The following TMEM161A variants were observed in gnomAD, a reference collection of about 807,000 sequenced individuals.
TMEM161A encodes adaptive response to oxidative stress protein 29.
In TMEM161A, 46 loss-of-function variants were observed where a neutral mutation model predicts 57.1. The observed-to-expected ratio is 0.81, with a 90% CI of 0.64 to 1.03. TMEM161A has a LOEUF of 1.03. TMEM161A is among the 50% of genes least tolerant of loss of function. The pLI is 0.00. For missense variants in TMEM161A, 601 were observed against 621.5 expected, an observed-to-expected ratio of 0.97 and a Z score of 0.35; for synonymous variants, 288 against 279.0, an observed-to-expected ratio of 1.03 and a Z score of -0.32.
chr19:19,132,832 G>A lies in TMEM161A; in HGVS notation c.189-78C>T. 1 of 1,214,154 alleles carries A rather than the reference G, an allele frequency of 8.2e-7. No individual in the cohort carries two copies. Among genetic ancestry groups the A allele is most frequent in the Non-Finnish European group, 1.1e-6 (1 of 875,114 alleles). 75.2% of individuals were successfully genotyped at this position (1,214,154 alleles called of 1,614,324 possible). ...CCAGCCACCCTCAGAGCTCAGAGCA[G>A]CTGGCCTGGAGACCATCTCTTTCCA... On this transcript the variant is annotated intron_variant, in intron 3 of 11. Coordinates refer to ENST00000162044, the MANE Select transcript of TMEM161A (RefSeq NM_017814.3). This position sits in a 1 kb window ranked among gnomAD's most constrained non-coding sequence, Gnocchi z 4.3.
At position 19,132,496 on chromosome 19, in the gene TMEM161A, A is replaced by C; in HGVS notation, c.299T>G (p.Phe100Cys). 1 of 1,613,904 alleles carries C rather than the reference A, an allele frequency of 6.2e-7. No homozygotes were observed. ...TTVDALVLRF[F>C]LEYQWFVDFA... is the part of the protein sequence containing the mutation. Reference sequence around the variant, plus strand: ...GTCCACAAACCACTGGTACTCCAGGAAGAAGCGCAGGACTGTGGGGGGCAC... The same window carrying C: ...GTCCACAAACCACTGGTACTCCAGGCAGAAGCGCAGGACTGTGGGGGGCAC... Residue 100 changes from phenylalanine to cysteine, a missense_variant, in exon 5 of 12, where the codon TTC (phenylalanine) becomes TGC (cysteine). Phe to Cys is a radical substitution (Grantham distance 205). Coordinates refer to ENST00000162044, the MANE Select transcript of TMEM161A (RefSeq NM_017814.3). The surrounding 1 kb of genome is among the most constrained non-coding windows in gnomAD (Gnocchi z 4.3).
Position 19,133,225 on chromosome 19 carries a change from G to A in TMEM161A, c.108-15C>T, listed in dbSNP as rs1470219881. 8.7e-6 allele frequency: 14 copies of A among 1,613,436 alleles called. No individual in the cohort carries two copies. Among genetic ancestry groups the A allele is most frequent in the African/African-American group, 6.7e-5 (5 of 74,914 alleles). ...ATCGGAACAAACTGAGAGCAAGGACGGGCAGTCAGGGAAGCTCAGGCGTGG... is the reference window on the plus strand; with the variant it reads ...ATCGGAACAAACTGAGAGCAAGGACAGGCAGTCAGGGAAGCTCAGGCGTGG... On this transcript the variant is annotated splice_polypyrimidine_tract_variant and intron_variant, in intron 2 of 11. Coordinates refer to ENST00000162044, the MANE Select transcript of TMEM161A (RefSeq NM_017814.3).
At position 19,138,421 on chromosome 19, in the gene TMEM161A, C is replaced by T; in HGVS notation, c.3+5G>A. The T allele has an allele frequency of 6.2e-7, 1 of 1,603,652 alleles. No individual in the cohort carries two copies. The highest frequency in any genetic ancestry group is 8.5e-7 in the Non-Finnish European group (1 of 1,175,268). ...AACCCCCCACTTCGCGGGACGCTCGCTCACCATGACGCGTGCGAGAACGCG... is the reference window on the plus strand; with the variant it reads ...AACCCCCCACTTCGCGGGACGCTCGTTCACCATGACGCGTGCGAGAACGCG... On this transcript the variant is annotated splice_donor_5th_base_variant and intron_variant, in intron 1 of 11. Coordinates refer to ENST00000162044, the MANE Select transcript of TMEM161A (RefSeq NM_017814.3).
At chr19:19,120,943 A>G (rs2059906402) in intron 10 of TMEM161A, 49 bp downstream of exon 10, 11 of 1,609,322 alleles carry the variant, frequency 6.8e-6, no homozygotes, top group Non-Finnish European at 9.3e-6. Flanking sequence ...CAGGAACCCC[A>G]CCCTGAGCCC....
chr19:19,121,575 G>A lies in TMEM161A; in HGVS notation c.750C>T (p.Ala250=). The change falls in exon 8 of 12, where the codon GCC becomes GCT. Residue 250 remains alanine, a synonymous_variant. Coordinates refer to ENST00000162044, the MANE Select transcript of TMEM161A (RefSeq NM_017814.3). The surrounding 1 kb of genome is among the most constrained non-coding windows in gnomAD (Gnocchi z 5.8). ...TGGTCAGTGCGTCCCGGTGGGTCTGGGCCAGCCGCAGGCCTGGGAAGGTGA... is the reference window on the plus strand; with the variant it reads ...TGGTCAGTGCGTCCCGGTGGGTCTGAGCCAGCCGCAGGCCTGGGAAGGTGA... The part of the protein sequence containing the change: ...AFLTFPGLRL[A]QTHRDALTMS... The A allele has an allele frequency of 6.2e-7, 1 of 1,613,830 alleles. No individual in the cohort carries two copies.
intron 5 of TMEM161A, chr19:19,130,582 T>C (rs2059953831): frequency 4.4e-6 from 2 of 457,630 alleles, no homozygotes; most frequent in Non-Finnish European, 8.0e-6. Context: ...CCTCACCTAC[T>C]TCACATCCCT....
At position 19,132,920 on chromosome 19, in the gene TMEM161A, A is replaced by T; in HGVS notation, c.189-166T>A. On this transcript the variant is annotated intron_variant, in intron 3 of 11. Transcript: ENST00000162044. The surrounding 1 kb of genome is among the most constrained non-coding windows in gnomAD (Gnocchi z 4.3). ...CCCCCACCCACCCACAGGACTGGCT[A>T]GAGCAAACTGCCAGGAAACAGATGC... 1 of 726,484 alleles carries T rather than the reference A, an allele frequency of 1.4e-6. No individual in the cohort carries two copies. The highest frequency in any genetic ancestry group is 2.2e-6 in the Non-Finnish European group (1 of 447,542). The allele number at this position is 726,484 out of a possible 1,614,324, so 45.0% of individuals were successfully genotyped here. A position where few individuals can be genotyped will look rare whatever the true frequency, so the allele number is the denominator to read the frequency against.
In TMEM161A at chr19:19,119,581, C is replaced by G. The variant is rs980592948; in HGVS notation, c.*349G>C. 3.4e-6 allele frequency: 1 copy of G among 295,206 alleles called. No homozygotes were observed. Among genetic ancestry groups the G allele is most frequent in the African/African-American group, 2.1e-5 (1 of 46,950 alleles). The allele number at this position is 295,206 out of a possible 1,614,324, so 18.3% of individuals were successfully genotyped here. The stretch of plus-strand genomic sequence containing the variant: ...AGGGACGTGCAAGACAGCTACCACC[C>G]TGCACAAGCCCGAGTCCCAAACCAC... On this transcript the variant is annotated 3_prime_UTR_variant, in exon 12 of 12. Transcript: ENST00000162044.
chr19:19,135,900 T>C (rs1431601967), intron 1 of TMEM161A, among the ~76,000 whole-genome samples: 4 of 151,926 alleles, frequency 2.6e-5, no homozygotes, highest in African/African-American at 9.7e-5. Context: ...TTTTTAGAGA[T>C]GGGGTCTTGC....
intron 6 of TMEM161A, among the ~76,000 whole-genome samples, chr19:19,127,768 GAAA>G (rs61271715): frequency 1.4e-5 from 2 of 142,836 alleles, no homozygotes; most frequent in African/African-American, 2.6e-5. Flanking sequence ...CATCTCTACA[GAAA>G]AAAAAAAAAA....
rs1275099846 is a variant in TMEM161A, at chr19:19,134,774, C to T, written c.107+10G>A. On this transcript the variant is annotated intron_variant, in intron 2 of 11. Transcript: ENST00000162044. ...CCGCGGGCCCCTCCCACCGCCGGGG[C>T]GGGGCTCACCTGCCGTTACAGAGCA... 5.8e-6 allele frequency: 9 copies of T among 1,548,794 alleles called. No individual in the cohort carries two copies. Among genetic ancestry groups the T allele is most frequent in the Non-Finnish European group, 7.0e-6 (8 of 1,147,588 alleles).
chr19:19,120,443 C>A (rs568474217), intron 11 of TMEM161A, among the ~76,000 whole-genome samples: 2 of 150,972 alleles, frequency 1.3e-5, no homozygotes, highest in African/African-American at 2.4e-5. Context: ...CAAGACGCAA[C>A]CCCTCCCCAG....
At chr19:19,133,771 CT>C in intron 2 of TMEM161A, among the ~76,000 whole-genome samples, 1 of 152,046 alleles carries the variant, frequency 6.6e-6, no homozygotes, top group East Asian at 1.9e-4. Context: ...CTCGCCCGGC[CT>C]TTGTTTTTTG....
chr19:19,135,568 A>T (rs537876891), intron 1 of TMEM161A, among the ~76,000 whole-genome samples: 38 of 151,824 alleles, frequency 2.5e-4, no homozygotes, highest in African/African-American at 5.1e-4. Flanking sequence ...TTATTTATTT[A>T]TTTTTTTGGC....
chr19:19,123,138 C>T (rs1395063429), intron 6 of TMEM161A, among the ~76,000 whole-genome samples: 1 of 151,998 alleles, frequency 6.6e-6, no homozygotes, highest in Non-Finnish European at 1.5e-5. Context: ...CAGATTCCAA[C>T]TCAGAAAAAC....
At chr19:19,133,333 G>A in intron 2 of TMEM161A, 123 bp from the exon 3 acceptor site, 1 of 811,628 alleles carries the variant, frequency 1.2e-6, no homozygotes, top group Non-Finnish European at 2.0e-6. Context: ...CTGGGAGGTA[G>A]GTGAGGGTAC....
chr19:19,133,947 A>AT (rs2059971997), intron 2 of TMEM161A, among the ~76,000 whole-genome samples: 1 of 151,436 alleles, frequency 6.6e-6, no homozygotes, highest in Non-Finnish European at 1.5e-5. Context: ...TTTTTAAAAT[A>AT]TTTTGTAGAG....
At position 19,132,292 on chromosome 19, in the gene TMEM161A, A is replaced by C. The variant is rs1218130350; in HGVS notation, c.443+60T>G. 6.5e-7 allele frequency: 1 copy of C among 1,544,060 alleles called. No individual in the cohort carries two copies. The highest frequency in any genetic ancestry group is 8.7e-7 in the Non-Finnish European group (1 of 1,144,366). On this transcript the variant is annotated intron_variant, in intron 5 of 11. Transcript: ENST00000162044. This position sits in a 1 kb window ranked among gnomAD's most constrained non-coding sequence, Gnocchi z 4.3. ...ACTGCCACACCAGTTTAGGGGAGCC[A>C]GGGAAGCTCAGGTCCTGCTCCCACC... is the stretch of plus-strand genomic sequence containing the variant.
chr19:19,120,742 A>AC, intron 11 of TMEM161A, 23 bp downstream of exon 11: 2 of 1,535,178 alleles, frequency 1.3e-6, no homozygotes, highest in Non-Finnish European at 1.8e-6. Flanking sequence ...CCCCTCCTCC[A>AC]CCCCCACACC....
Sources: gnomAD v4.1 joint callset for allele counts (sites outside exome capture counted in the v4.1 genomes callset) on GRCh38, gnomAD v4.1.1 for gene constraint, Gnocchi (gnomAD v3.1) non-coding constraint, MANE v1.5 for transcripts, NCBI Gene and HGNC (gene_info 2026-07-23, HGNC 2026-07-21) for gene names.